Variants in PLXDC1 observed in about 807,000 individuals in gnomAD.
The protein encoded by PLXDC1 is plexin domain containing 1.
PLXDC1 carries 39 observed loss-of-function variants against 61.3 expected under a neutral mutation model. That is an observed-to-expected ratio of 0.64 (90% CI 0.49 to 0.83). The LOEUF (loss-of-function observed/expected upper bound fraction) is 0.83. PLXDC1 is among the 40% of genes least tolerant of loss of function. The pLI is 0.00. For missense variants in PLXDC1, 596 were observed against 666.5 expected, an observed-to-expected ratio of 0.89 and a Z score of 1.17; for synonymous variants, 212 against 254.5, an observed-to-expected ratio of 0.83 and a Z score of 1.59.
chr17:39,128,137 A>ATG (rs1332999787), intron 2 of PLXDC1, among the ~76,000 whole-genome samples: 1 of 114,530 alleles, frequency 8.7e-6, no homozygotes, highest in African/African-American at 3.8e-5. Flanking sequence ...GTGTATATAT[A>ATG]TGTATATATA....
In PLXDC1 at chr17:39,118,202, CTT is replaced by C. The variant is rs546240335; in HGVS notation, c.256-8813_256-8812del. Among the ~76,000 whole-genome samples, 358 of 151,030 alleles carry C rather than the reference CTT, an allele frequency of 2.4e-3. 1 individual carries two copies. Among genetic ancestry groups the C allele is most frequent in the Admixed American group, 7.2e-3 (108 of 15,038 alleles). On this transcript the variant is annotated intron_variant, in intron 2 of 13. Transcript: ENST00000315392. ...TCTCTCTGTCTGTCTGTCTCTCTCTCTTTTCTTTTCTTCTTTTTTGAGATGGA... is the reference window on the plus strand; with the variant it reads ...TCTCTCTGTCTGTCTGTCTCTCTCTCTTCTTTTCTTCTTTTTTGAGATGGA...
At chr17:39,085,308 A>T (rs991210271) in intron 8 of PLXDC1, among the ~76,000 whole-genome samples, 1 of 152,010 alleles carries the variant, frequency 6.6e-6, no homozygotes, top group African/African-American at 2.4e-5. Context: ...GCCCTGGGAG[A>T]GTGGATGGAA....
At chr17:39,097,720 A>ATAAG (rs1910259709) in intron 7 of PLXDC1, among the ~76,000 whole-genome samples, 1 of 128,022 alleles carries the variant, frequency 7.8e-6, no homozygotes, top group Non-Finnish European at 1.7e-5. Flanking sequence ...CAAATAATAA[A>ATAAG]TAAATAAATA....
intron 2 of PLXDC1, among the ~76,000 whole-genome samples, chr17:39,135,223 A>G (rs1303982914): frequency 6.6e-6 from 1 of 152,182 alleles, no homozygotes; most frequent in Non-Finnish European, 1.5e-5. Context: ...GACAAGCCCT[A>G]TGGCTGTCAG....
At chr17:39,108,830 C>A (rs1910689824) in intron 4 of PLXDC1, 74 bp downstream of exon 4, 1 of 970,000 alleles carries the variant, frequency 1.0e-6, no homozygotes, top group Non-Finnish European at 1.6e-6. Context: ...CTCCAGTGAG[C>A]CACCCCTGGG....
intron 2 of PLXDC1, among the ~76,000 whole-genome samples, chr17:39,134,040 G>T (rs1197059634): frequency 6.6e-6 from 1 of 151,868 alleles, no homozygotes; most frequent in African/African-American, 2.4e-5. Context: ...GGTGGATCAC[G>T]AGGTCAGGAG....
Position 39,065,395 on chromosome 17 carries a change from CTT to C in PLXDC1, c.*2443_*2444del, listed in dbSNP as rs60090929. ...CAATGTAAGCATTTCTTTTTCCGTT[CTT>C]TTTTTTTTTTTTTTTTTCGGAGACA... On this transcript the variant is annotated 3_prime_UTR_variant, in exon 14 of 14. Transcript: ENST00000315392. 38,006 of 113,516 alleles carry C rather than the reference CTT, an allele frequency of 0.33. 5,911 individuals carry two copies. The highest frequency in any genetic ancestry group is 0.42 in the African/African-American group (12,412 of 29,428). 7.0% of individuals were successfully genotyped at this position (113,516 alleles called of 1,614,324 possible).
At chr17:39,109,905 G>A (rs865894328) in intron 2 of PLXDC1, among the ~76,000 whole-genome samples, 2 of 152,214 alleles carry the variant, frequency 1.3e-5, no homozygotes, top group African/African-American at 4.8e-5. Flanking sequence ...CACTTTGGGA[G>A]GCCGAGGCGG....
chr17:39,097,903 A>T (rs1217024032), intron 7 of PLXDC1, among the ~76,000 whole-genome samples: 3 of 18,680 alleles, frequency 1.6e-4, no homozygotes, highest in Admixed American at 8.1e-4. Flanking sequence ...CCCTGTCTAT[A>T]AAAAAAAAAA....
At chr17:39,144,314 G>A (rs1452762664) in intron 1 of PLXDC1, among the ~76,000 whole-genome samples, 2 of 152,144 alleles carry the variant, frequency 1.3e-5, no homozygotes, top group African/African-American at 4.8e-5. Flanking sequence ...TGCCATAAGC[G>A]TCAAGTGAGA....
intron 7 of PLXDC1, among the ~76,000 whole-genome samples, chr17:39,097,864 T>C (rs1354641510): frequency 6.9e-6 from 1 of 144,900 alleles, no homozygotes; most frequent in Non-Finnish European, 1.5e-5. Context: ...ATTGTGCTAC[T>C]GCACTTCGGC....
chr17:39,123,760 G>T (rs1911236172), intron 2 of PLXDC1, among the ~76,000 whole-genome samples: 1 of 152,200 alleles, frequency 6.6e-6, no homozygotes. Flanking sequence ...ATTTCTGACA[G>T]CGGGGCAGCA....
chr17:39,152,945 T>G (rs2045384048), upstream of PLXDC1: 1 of 322,420 alleles, frequency 3.1e-6, no homozygotes, highest in Middle Eastern at 7.9e-4. Context: ...GCAAGGCCGG[T>G]CTGTAAATTC....
intron 13 of PLXDC1, among the ~76,000 whole-genome samples, chr17:39,068,863 C>T (rs55705006): frequency 0.036 from 5,414 of 152,144 alleles, 92 homozygotes; most frequent in African/African-American, 0.041. Flanking sequence ...TTGTGACCCA[C>T]GTGGAAGAAA....
intron 7 of PLXDC1, among the ~76,000 whole-genome samples, chr17:39,093,884 G>A (rs1910047913): frequency 6.6e-6 from 1 of 152,128 alleles, no homozygotes; most frequent in South Asian, 2.1e-4. Flanking sequence ...GCTCTAAGAG[G>A]AGGGAACCCT....
In PLXDC1 at chr17:39,105,827, G is replaced by C. The variant is rs7213676; in HGVS notation, c.811+27C>G. On this transcript the variant is annotated intron_variant, in intron 7 of 13. Transcript: ENST00000315392. ...TGAGCGGAGTCCTACCCCCATCAAG[G>C]CCTCTGCGGGGTCCCTGAAGACTCA... 0.018 allele frequency: 26,238 copies of C among 1,472,778 alleles called. 3,207 individuals carry two copies. In the African/African-American group the frequency reaches 0.29, roughly 17 times the overall value. The allele number at this position is 1,472,778 out of a possible 1,614,324, so 91.2% of individuals were successfully genotyped here. A position where few individuals can be genotyped will look rare whatever the true frequency, so the allele number is the denominator to read the frequency against.
intron 1 of PLXDC1, among the ~76,000 whole-genome samples, 183 bp from the exon 2 acceptor site, chr17:39,140,015 C>A (rs1160560010): frequency 1.3e-5 from 2 of 152,194 alleles, no homozygotes; most frequent in African/African-American, 4.8e-5. Context: ...CAGCTCCAGG[C>A]CAAGCACTTC....
At chr17:39,127,943 CA>C (rs35444362) in intron 2 of PLXDC1, among the ~76,000 whole-genome samples, 1,822 of 53,004 alleles carry the variant, frequency 0.034, 6 homozygotes, top group African/African-American at 0.073. Context: ...CTCCATCTCA[CA>C]AAAAAAAAAA....
At chr17:39,114,199 C>A (rs1283504490) in intron 2 of PLXDC1, among the ~76,000 whole-genome samples, 2 of 152,128 alleles carry the variant, frequency 1.3e-5, no homozygotes, top group Non-Finnish European at 2.9e-5. Flanking sequence ...CTGGGTTTAG[C>A]TCTCTGTTAA....
Sources: gnomAD v4.1 joint callset for allele counts (sites outside exome capture counted in the v4.1 genomes callset) on GRCh38, gnomAD v4.1.1 for gene constraint, MANE v1.5 for transcripts, NCBI Gene and HGNC (gene_info 2026-07-23, HGNC 2026-07-21) for gene names.